The following MAGI1 variants were observed in gnomAD, a reference collection of about 807,000 sequenced individuals.
MAGI1 encodes membrane associated guanylate kinase, WW and PDZ domain containing 1.
MAGI1 carries 58 observed loss-of-function variants against 139.9 expected under a neutral mutation model. The observed-to-expected ratio is 0.41, with a 90% CI of 0.34 to 0.52. MAGI1 has a LOEUF of 0.52. Ranked by LOEUF, MAGI1 falls within the 20% of genes least tolerant of loss-of-function variation. The pLI is 0.12. For missense variants in MAGI1, 1,874 were observed against 1,901.6 expected, an observed-to-expected ratio of 0.99 and a Z score of 0.27; for synonymous variants, 812 against 737.9, an observed-to-expected ratio of 1.10 and a Z score of -1.63.
chr3:65,743,736 G>A (rs1371263573), intron 1 of MAGI1, among the ~76,000 whole-genome samples: 1 of 151,420 alleles, frequency 6.6e-6, no homozygotes, highest in Non-Finnish European at 1.5e-5. Context: ...TAAAAGAAAA[G>A]TCTATTCGTG....
chr3:65,988,106 G>A (rs1223847921), intron 1 of MAGI1, among the ~76,000 whole-genome samples: 1 of 152,192 alleles, frequency 6.6e-6, no homozygotes, highest in Non-Finnish European at 1.5e-5. Flanking sequence ...CAGCTTTTCA[G>A]AGCCTATTTG....
At chr3:65,974,871 C>G (rs1486215040) in intron 1 of MAGI1, among the ~76,000 whole-genome samples, 1 of 152,170 alleles carries the variant, frequency 6.6e-6, no homozygotes, top group Non-Finnish European at 1.5e-5. Flanking sequence ...ATTGGTCTCA[C>G]AGACCTGGGA....
At chr3:65,676,572 A>G (rs2087203497) in intron 1 of MAGI1, among the ~76,000 whole-genome samples, 1 of 152,226 alleles carries the variant, frequency 6.6e-6, no homozygotes, top group African/African-American at 2.4e-5. Context: ...TCATCTAGGA[A>G]AAGCTGTGTC....
At chr3:65,507,927 CCCAATTACTAATGCTTCTAAA>C (rs2077367146) in intron 2 of MAGI1, among the ~76,000 whole-genome samples, 11 of 151,500 alleles carry the variant, frequency 7.3e-5, no homozygotes, top group Admixed American at 6.6e-4. Context: ...ACATAAAAAA[CCCAATTACTAATGCTTCTAAA>C]CATTTGCTTG....
At chr3:65,683,524 A>G (rs2087743994) in intron 1 of MAGI1, among the ~76,000 whole-genome samples, 1 of 152,148 alleles carries the variant, frequency 6.6e-6, no homozygotes, top group Non-Finnish European at 1.5e-5. Context: ...GAGAGAAAAT[A>G]CATGCAAATC....
At chr3:65,700,467 AAATAAT>A (rs1207332892) in intron 1 of MAGI1, among the ~76,000 whole-genome samples, 3 of 152,000 alleles carry the variant, frequency 2.0e-5, no homozygotes, top group Non-Finnish European at 4.4e-5. Context: ...ATAAATAAAT[AAATAAT>A]AATAATAACA....
At chr3:65,688,245 A>T (rs543208835) in intron 1 of MAGI1, 2 of 832,606 alleles carry the variant, frequency 2.4e-6, no homozygotes, top group African/African-American at 3.4e-5. Context: ...CACAGCCCAG[A>T]CTCTGGTCTG....
At chr3:65,839,145 T>C (rs573791067) in intron 1 of MAGI1, among the ~76,000 whole-genome samples, 1 of 152,294 alleles carries the variant, frequency 6.6e-6, no homozygotes, top group East Asian at 1.9e-4. Flanking sequence ...ACAGACCACA[T>C]ATACAATGGT....
intron 1 of MAGI1, among the ~76,000 whole-genome samples, chr3:65,788,119 C>A (rs1481340982): frequency 6.6e-6 from 1 of 152,200 alleles, no homozygotes; most frequent in Non-Finnish European, 1.5e-5. Flanking sequence ...TGAAACTCAA[C>A]TGTGCCCAAG....
At chr3:65,558,694 C>A (rs2080201849) in intron 2 of MAGI1, among the ~76,000 whole-genome samples, 1 of 151,532 alleles carries the variant, frequency 6.6e-6, no homozygotes, top group African/African-American at 2.4e-5. Flanking sequence ...AACAAACACA[C>A]AAAAAAAACC....
intron 18 of MAGI1, 96 bp downstream of exon 18, chr3:65,375,649 G>C: frequency 9.4e-7 from 1 of 1,060,358 alleles, no homozygotes; most frequent in South Asian, 1.4e-5. Context: ...TCAGTTACAC[G>C]AACACTAATC....
chr3:65,467,399 A>C (rs1322364815), intron 5 of MAGI1, among the ~76,000 whole-genome samples: 1 of 152,248 alleles, frequency 6.6e-6, no homozygotes, highest in Non-Finnish European at 1.5e-5. Context: ...TTTCGGAATG[A>C]AAAACACATG....
chr3:65,624,091 T>A (rs533207064), intron 1 of MAGI1, among the ~76,000 whole-genome samples: 1 of 152,158 alleles, frequency 6.6e-6, no homozygotes, highest in African/African-American at 2.4e-5. Flanking sequence ...AAGTAACTAC[T>A]TGAATAACAA....
chr3:65,395,918 G>A (rs1039940290), intron 13 of MAGI1, among the ~76,000 whole-genome samples: 3 of 152,046 alleles, frequency 2.0e-5, no homozygotes, highest in African/African-American at 7.2e-5. Flanking sequence ...AGGAGTGAAT[G>A]CGGAGAGGCC....
At chr3:65,630,974 G>A (rs1167656986) in intron 1 of MAGI1, among the ~76,000 whole-genome samples, 1 of 152,242 alleles carries the variant, frequency 6.6e-6, no homozygotes, top group Non-Finnish European at 1.5e-5. Context: ...GAGGATTTGA[G>A]CCATGGAGGT....
chr3:65,855,633 G>T (rs113626778), intron 1 of MAGI1, among the ~76,000 whole-genome samples: 227 of 74,944 alleles, frequency 3.0e-3, no homozygotes, highest in Middle Eastern at 0.015. Flanking sequence ...GAGGGGAGGG[G>T]AAGGGAGAAA....
At chr3:65,496,786 T>A (rs552409475) in intron 2 of MAGI1, among the ~76,000 whole-genome samples, 11 of 152,324 alleles carry the variant, frequency 7.2e-5, no homozygotes, top group Admixed American at 6.5e-4. Context: ...CAAACCTGCA[T>A]GTCATAGGTA....
intron 1 of MAGI1, among the ~76,000 whole-genome samples, chr3:65,989,836 A>ACCC (rs1363785118): frequency 6.6e-6 from 1 of 152,028 alleles, no homozygotes; most frequent in Non-Finnish European, 1.5e-5. Flanking sequence ...ACTGCACCTG[A>ACCC]CCCAGACATA....
intron 2 of MAGI1, among the ~76,000 whole-genome samples, chr3:65,522,563 G>C (rs1003679203): frequency 6.6e-6 from 1 of 152,058 alleles, no homozygotes; most frequent in South Asian, 2.1e-4. Context: ...ATCACTTACC[G>C]GTTTAAAGTC....
Sources: allele counts gnomAD v4.1 joint callset (sites outside exome capture counted in the v4.1 genomes callset), GRCh38; gene constraint gnomAD v4.1.1; transcripts MANE v1.5; gene names NCBI Gene and HGNC (gene_info 2026-07-23, HGNC 2026-07-21).